The following MICU1 variants were observed in gnomAD, a reference collection of about 807,000 sequenced individuals.
MICU1 encodes the protein calcium uptake protein 1, mitochondrial.
In MICU1, 45 loss-of-function variants were observed where a neutral mutation model predicts 56.8. That is an observed-to-expected ratio of 0.79 (90% CI 0.62 to 1.02). The LOEUF is 1.02. Among genes scored for constraint, MICU1 ranks in the 50% least tolerant of loss-of-function variants. The probability of loss-of-function intolerance (pLI) is 0.00; values close to 1 mark genes in which losing one functional copy is unlikely to be tolerated. For synonymous variants in MICU1, 186 were observed against 195.1 expected, an observed-to-expected ratio of 0.95 and a Z score of 0.39; for missense variants, 504 against 587.1, an observed-to-expected ratio of 0.86 and a Z score of 1.46.
At chr10:72,612,804 A>C (rs1355234678) in intron 1 of MICU1, among the ~76,000 whole-genome samples, 1 of 151,994 alleles carries the variant, frequency 6.6e-6, no homozygotes, top group Non-Finnish European at 1.5e-5. Flanking sequence ...CTGTCTCAAA[A>C]AAAAAAAAAA....
chr10:72,620,594 G>T (rs1842081215), intron 1 of MICU1, among the ~76,000 whole-genome samples: 1 of 152,076 alleles, frequency 6.6e-6, no homozygotes, highest in Admixed American at 6.6e-5. Context: ...TTACACTAAA[G>T]TTTCAATTTT....
intron 8 of MICU1, among the ~76,000 whole-genome samples, chr10:72,433,248 C>T (rs910408855): frequency 1.3e-5 from 2 of 151,768 alleles, no homozygotes; most frequent in African/African-American, 2.4e-5. Flanking sequence ...GCTTTTTCTT[C>T]GCAATTTTTT....
intron 8 of MICU1, among the ~76,000 whole-genome samples, chr10:72,440,773 T>C (rs575863245): frequency 1.6e-4 from 24 of 152,276 alleles, no homozygotes; most frequent in Middle Eastern, 3.4e-3. Flanking sequence ...AGAAGACATC[T>C]ATACAGCCAG....
At chr10:72,421,926 C>T (rs1864187703) in intron 9 of MICU1, among the ~76,000 whole-genome samples, 1 of 152,222 alleles carries the variant, frequency 6.6e-6, no homozygotes, top group South Asian at 2.1e-4. Context: ...CCTCTCTGAG[C>T]TCAGCTCAGG....
At chr10:72,471,832 AT>A (rs1865961398) in intron 8 of MICU1, among the ~76,000 whole-genome samples, 1 of 152,150 alleles carries the variant, frequency 6.6e-6, no homozygotes, top group Admixed American at 6.5e-5. Flanking sequence ...TCACACAAAC[AT>A]TGTTAGATGA....
intron 5 of MICU1, among the ~76,000 whole-genome samples, chr10:72,531,139 G>A (rs895255478): frequency 3.9e-5 from 6 of 151,966 alleles, no homozygotes; most frequent in African/African-American, 7.2e-5. Flanking sequence ...TAAGACAATA[G>A]GAGTAAATAA....
At chr10:72,425,451 G>T (rs1386029356) in intron 8 of MICU1, among the ~76,000 whole-genome samples, 1 of 152,240 alleles carries the variant, frequency 6.6e-6, no homozygotes, top group Non-Finnish European at 1.5e-5. Flanking sequence ...GTTTCAGACA[G>T]TAAGGTCAAT....
At chr10:72,540,541 C>T (rs569095343) in intron 4 of MICU1, among the ~76,000 whole-genome samples, 8 of 151,962 alleles carry the variant, frequency 5.3e-5, no homozygotes, top group East Asian at 3.9e-4. Flanking sequence ...CTTGGTGTGA[C>T]GGTACACACC....
intron 2 of MICU1, among the ~76,000 whole-genome samples, chr10:72,565,612 A>G (rs1840411006): frequency 6.7e-6 from 1 of 149,832 alleles, no homozygotes; most frequent in South Asian, 2.1e-4. Context: ...CACGTTGTGC[A>G]CATGTACCCT....
chr10:72,590,841 A>T (rs1219723635), intron 1 of MICU1, among the ~76,000 whole-genome samples: 1 of 104,530 alleles, frequency 9.6e-6, no homozygotes, highest in South Asian at 2.8e-4. Flanking sequence ...ATAAATAAAT[A>T]AAAATTAAAA....
intron 1 of MICU1, among the ~76,000 whole-genome samples, chr10:72,596,887 A>C (rs570786797): frequency 3.3e-5 from 5 of 151,770 alleles, no homozygotes; most frequent in South Asian, 2.1e-4. Flanking sequence ...AAAAAAAAAA[A>C]CCAACATGAA....
rs984721040 is a variant in MICU1, at chr10:72,579,601, G to T, written c.-1-12807C>A. ...ATTTTTTTCATTTTATTAATAGTAT[G>T]TTTTTTTTTACCATTAAGTACATAT... On this transcript the variant is annotated intron_variant, in intron 1 of 11. Transcript: ENST00000361114. Among the ~76,000 whole-genome samples the T allele has an allele frequency of 7.4e-5, 11 of 148,268 alleles. 1 individual carries two copies. The South Asian group carries it at 2.3e-3, about 31-fold the overall frequency.
intron 5 of MICU1, among the ~76,000 whole-genome samples, chr10:72,520,106 T>C (rs1589302624): frequency 6.6e-6 from 1 of 152,184 alleles, no homozygotes; most frequent in Non-Finnish European, 1.5e-5. Flanking sequence ...ATATGCTTCT[T>C]CTGGAAAATA....
chr10:72,471,390 G>A (rs912268273), intron 8 of MICU1, among the ~76,000 whole-genome samples: 2 of 152,014 alleles, frequency 1.3e-5, no homozygotes, highest in Admixed American at 1.3e-4. Flanking sequence ...GGCCTTCTAC[G>A]CAGTATGTTA....
At chr10:72,514,547 T>C (rs976807640) in intron 5 of MICU1, among the ~76,000 whole-genome samples, 23 of 152,202 alleles carry the variant, frequency 1.5e-4, no homozygotes, top group Middle Eastern at 3.2e-3. Flanking sequence ...TAAAGACCTG[T>C]GACCTTTGTC....
intron 1 of MICU1, among the ~76,000 whole-genome samples, chr10:72,578,277 A>G (rs143405863): frequency 1.4e-5 from 2 of 144,208 alleles, no homozygotes; most frequent in African/African-American, 4.9e-5. Context: ...TTTTTTTTTG[A>G]GATGGAGTCT....
intron 10 of MICU1, among the ~76,000 whole-genome samples, chr10:72,401,490 C>A (rs1863453871): frequency 6.6e-6 from 1 of 152,086 alleles, no homozygotes; most frequent in Admixed American, 6.5e-5. Flanking sequence ...CTCATCTCTA[C>A]TAAAAATACA....
chr10:72,446,791 C>T (rs2132198580), intron 8 of MICU1, among the ~76,000 whole-genome samples: 1 of 152,216 alleles, frequency 6.6e-6, no homozygotes, highest in South Asian at 2.1e-4. Flanking sequence ...AGTAGGATGC[C>T]TGGCACATAC....
At chr10:72,417,731 G>A (rs940403702) in intron 9 of MICU1, among the ~76,000 whole-genome samples, 2 of 152,180 alleles carry the variant, frequency 1.3e-5, no homozygotes, top group Non-Finnish European at 2.9e-5. Context: ...TGTCAAGCAC[G>A]GCAGGTTCCC....
Sources: allele counts gnomAD v4.1 joint callset (sites outside exome capture counted in the v4.1 genomes callset), GRCh38; gene constraint gnomAD v4.1.1; transcripts MANE v1.5; gene names NCBI Gene and HGNC (gene_info 2026-07-23, HGNC 2026-07-21).